Variants in PRKACB observed in about 807,000 individuals in gnomAD.
PRKACB encodes the protein cAMP-dependent protein kinase catalytic subunit beta.
In PRKACB, 16 loss-of-function variants were observed where a neutral mutation model predicts 51.4. The observed-to-expected ratio is 0.31, with a 90% CI of 0.21 to 0.47. The LOEUF (loss-of-function observed/expected upper bound fraction) is 0.47, where lower values mean the gene tolerates loss of function less well. Among genes scored for constraint, PRKACB ranks in the 20% least tolerant of loss-of-function variants. PRKACB has a pLI of 1.00. For missense variants in PRKACB, 309 were observed against 464.5 expected, an observed-to-expected ratio of 0.67 and a Z score of 3.08; for synonymous variants, 147 against 154.4, an observed-to-expected ratio of 0.95 and a Z score of 0.35.
intron 9 of PRKACB, among the ~76,000 whole-genome samples, chr1:84,226,413 T>G (rs1031391397): frequency 1.3e-5 from 2 of 152,100 alleles, no homozygotes; most frequent in African/African-American, 4.8e-5. Context: ...TCTTTCGTCA[T>G]TCAGTAAAGT....
intron 9 of PRKACB, among the ~76,000 whole-genome samples, chr1:84,218,512 A>G (rs1357018134): frequency 6.6e-6 from 1 of 152,126 alleles, no homozygotes; most frequent in Non-Finnish European, 1.5e-5. Context: ...TTACAGCCAA[A>G]TAGTATTCCT....
chr1:84,211,697 A>G (rs1672159809), intron 8 of PRKACB, among the ~76,000 whole-genome samples: 1 of 152,178 alleles, frequency 6.6e-6, no homozygotes, highest in Non-Finnish European at 1.5e-5. Context: ...TTTACTATTT[A>G]TTAGCTCTGT....
At chr1:84,135,455 A>G (rs1364568154) in intron 1 of PRKACB, among the ~76,000 whole-genome samples, 2 of 152,188 alleles carry the variant, frequency 1.3e-5, no homozygotes, top group Admixed American at 6.5e-5. Flanking sequence ...TAAATGCTCC[A>G]TTTAACAAGA....
chr1:84,231,980 T>C (rs1316792295), intron 9 of PRKACB, among the ~76,000 whole-genome samples: 1 of 150,234 alleles, frequency 6.7e-6, no homozygotes, highest in Non-Finnish European at 1.5e-5. Context: ...ATGTGTTTGC[T>C]CTTGCTTTTC....
intron 1 of PRKACB, among the ~76,000 whole-genome samples, chr1:84,151,050 TCA>T (rs1342129764): frequency 6.6e-6 from 1 of 152,176 alleles, no homozygotes; most frequent in Non-Finnish European, 1.5e-5. Flanking sequence ...AATATCCACC[TCA>T]CATAGTTACT....
chr1:84,080,406 A>G (rs956497699), intron 1 of PRKACB, among the ~76,000 whole-genome samples: 16 of 152,326 alleles, frequency 1.1e-4, no homozygotes, highest in South Asian at 1.0e-3. Flanking sequence ...GTTAATGACA[A>G]TCTAGTTCTT....
At chr1:84,164,230 T>C (rs972161232) in intron 1 of PRKACB, 5 of 1,425,370 alleles carry the variant, frequency 3.5e-6, no homozygotes, top group Non-Finnish European at 3.7e-6. Flanking sequence ...CAGTATAGCT[T>C]TCTGGCTCAT....
intron 9 of PRKACB, among the ~76,000 whole-genome samples, chr1:84,220,247 T>C (rs904815200): frequency 6.6e-6 from 1 of 152,196 alleles, no homozygotes; most frequent in Admixed American, 6.5e-5. Flanking sequence ...TACTGATTTC[T>C]TTCTTAGCTT....
chr1:84,148,903 C>T (rs546147788), intron 1 of PRKACB, among the ~76,000 whole-genome samples: 1 of 152,182 alleles, frequency 6.6e-6, no homozygotes, highest in African/African-American at 2.4e-5. Flanking sequence ...AGCCATATGA[C>T]AGAGTTAGAA....
chr1:84,086,155 T>C (rs1305761438), intron 1 of PRKACB: 17 of 1,597,202 alleles, frequency 1.1e-5, no homozygotes, highest in East Asian at 6.7e-5. Context: ...CCATGAAGAA[T>C]GGGGATGTGG....
rs1398918661 is a variant in PRKACB at position 84,195,449 on chromosome 1, G to A, written c.561-1167G>A. 3.3e-5 allele frequency among the ~76,000 whole-genome samples: 5 copies of A among 152,258 alleles called. No homozygotes were observed. The East Asian group carries it at 5.8e-4, about 18-fold the overall frequency. ...GAGGGAAATCCTATTCATAGTTAAGGTTGTTCACTGAGGAAACAAATCTGA... is the reference window on the plus strand; with the variant it reads ...GAGGGAAATCCTATTCATAGTTAAGATTGTTCACTGAGGAAACAAATCTGA... On this transcript the variant is annotated intron_variant, in intron 5 of 9. Transcript: ENST00000370685.
Position 84,209,005 on chromosome 1 carries a change from TA to T in PRKACB, c.907-5145del, listed in dbSNP as rs1242025042. On this transcript the variant is annotated intron_variant, in intron 8 of 9. Transcript: ENST00000370685. ...TTAACTCTCTAGTCCTATATGTAGG[TA>T]AATCAAAACTCAGAATTACCCAAAG... 2.0e-5 allele frequency among the ~76,000 whole-genome samples: 3 copies of T among 152,288 alleles called. No homozygotes were observed. In the East Asian group the frequency reaches 5.8e-4, roughly 29 times the overall value.
At chr1:84,078,345 C>A (rs1302523003) in exon 1 of PRKACB, 1 of 1,612,438 alleles carries the variant, frequency 6.2e-7, no homozygotes, top group Admixed American at 1.7e-5. Flanking sequence ...GCGGCGACCG[C>A]CAAGAAAGGC....
chr1:84,219,667 A>G (rs1391307741), intron 9 of PRKACB, among the ~76,000 whole-genome samples: 2 of 150,654 alleles, frequency 1.3e-5, no homozygotes, highest in African/African-American at 2.4e-5. Flanking sequence ...TCTTCTGCAT[A>G]TGGATATCCA....
chr1:84,108,205 T>C (rs982055587), intron 1 of PRKACB, among the ~76,000 whole-genome samples: 7 of 152,002 alleles, frequency 4.6e-5, no homozygotes, highest in Non-Finnish European at 1.0e-4. Context: ...CCATTAACTC[T>C]AGTAAACTAA....
chr1:84,209,203 C>G (rs953721218), intron 8 of PRKACB, among the ~76,000 whole-genome samples: 1 of 152,172 alleles, frequency 6.6e-6, no homozygotes, highest in African/African-American at 2.4e-5. Context: ...GTGGTTTCAT[C>G]CAGTCTCATG....
chr1:84,215,338 C>T (rs1227953393), intron 9 of PRKACB, among the ~76,000 whole-genome samples: 1 of 152,110 alleles, frequency 6.6e-6, no homozygotes, highest in Non-Finnish European at 1.5e-5. Context: ...TTTATTCCTG[C>T]CCATATGAAG....
chr1:84,219,792 T>G (rs1673438933), intron 9 of PRKACB, among the ~76,000 whole-genome samples: 1 of 151,994 alleles, frequency 6.6e-6, no homozygotes. Flanking sequence ...TTCTCTATTC[T>G]GTTCCATGGG....
chr1:84,192,571 A>G (rs1192808602), intron 5 of PRKACB, among the ~76,000 whole-genome samples: 1 of 152,196 alleles, frequency 6.6e-6, no homozygotes, highest in Non-Finnish European at 1.5e-5. Flanking sequence ...AGATTAGGAT[A>G]AAGAAGAGGA....
Sources: gnomAD v4.1 joint callset for allele counts (sites outside exome capture counted in the v4.1 genomes callset) on GRCh38, gnomAD v4.1.1 for gene constraint, MANE v1.5 for transcripts, NCBI Gene and HGNC (gene_info 2026-07-23, HGNC 2026-07-21) for gene names.